GRIN2B: variants seen among roughly 807,000 people sequenced by gnomAD.
The protein encoded by GRIN2B is glutamate receptor ionotropic, NMDA 2B.
GRIN2B carries 5 observed loss-of-function variants against 114.5 expected under a neutral mutation model. The observed-to-expected ratio is 0.04, with a 90% CI of 0.02 to 0.09. The LOEUF is 0.09. Among genes scored for constraint, GRIN2B ranks in the 10% least tolerant of loss-of-function variants. GRIN2B has a pLI of 1.00. For missense variants in GRIN2B, 1,108 were observed against 1,943.5 expected (o/e 0.57, Z 8.08); for synonymous variants, 787 against 745.1 (o/e 1.06, Z -0.92).
intron 5 of GRIN2B, among the ~76,000 whole-genome samples, chr12:13,625,203 ATTTG>A (rs1405504776): frequency 6.6e-6 from 1 of 152,182 alleles, no homozygotes; most frequent in Non-Finnish European, 1.5e-5. Flanking sequence ...TTTGTCTCTG[ATTTG>A]TTTGACTCTA....
chr12:13,977,481 T>C (rs1256765211), intron 2 of GRIN2B: 1 of 152,240 alleles, frequency 6.6e-6, no homozygotes, highest in Non-Finnish European at 1.5e-5. Flanking sequence ...AACTGTGTCC[T>C]GGGAAGTCTT....
intron 10 of GRIN2B, among the ~76,000 whole-genome samples, chr12:13,584,173 C>G (rs1324724608): frequency 2.0e-5 from 3 of 152,160 alleles, no homozygotes; most frequent in African/African-American, 7.2e-5. Flanking sequence ...CACTGGCTTC[C>G]TCGCAGTTTC....
chr12:13,617,170 G>A (rs1047383210), intron 5 of GRIN2B, among the ~76,000 whole-genome samples: 1 of 152,250 alleles, frequency 6.6e-6, no homozygotes, highest in Non-Finnish European at 1.5e-5. Flanking sequence ...TGTTTTGGCT[G>A]TAGAAGAGAT....
chr12:13,812,067 A>T (rs1246080015), intron 3 of GRIN2B, among the ~76,000 whole-genome samples: 2 of 152,190 alleles, frequency 1.3e-5, no homozygotes, highest in Admixed American at 1.3e-4. Flanking sequence ...CAAAAGAAAA[A>T]AAGTAATATA....
At chr12:13,965,845 T>C (rs1254790443) in intron 2 of GRIN2B, among the ~76,000 whole-genome samples, 1 of 152,240 alleles carries the variant, frequency 6.6e-6, no homozygotes, top group African/African-American at 2.4e-5. Context: ...TTGCATGATA[T>C]GTCAATCTTT....
intron 2 of GRIN2B, among the ~76,000 whole-genome samples, chr12:13,887,376 T>C (rs1001552499): frequency 3.3e-5 from 5 of 152,122 alleles, no homozygotes; most frequent in African/African-American, 1.2e-4. Flanking sequence ...TATTTTTCAA[T>C]ACTTTTGTAA....
chr12:13,605,071 CT>C (rs35062527), intron 10 of GRIN2B, among the ~76,000 whole-genome samples: 238 of 142,786 alleles, frequency 1.7e-3, no homozygotes, highest in Middle Eastern at 3.6e-3. Flanking sequence ...CCCACAGACT[CT>C]TTTTTTTTTT....
chr12:13,761,243 C>A (rs1863675142), intron 3 of GRIN2B, among the ~76,000 whole-genome samples: 1 of 152,194 alleles, frequency 6.6e-6, no homozygotes, highest in Admixed American at 6.5e-5. Flanking sequence ...ATTATTTGTT[C>A]TTTCAGAAGA....
rs946447400 is a variant in GRIN2B, at chr12:13,537,444, G to T, written c.*25339C>A. On this transcript the variant is annotated 3_prime_UTR_variant, in exon 14 of 14. Transcript: ENST00000609686. ...CTGGGGATAGGCAGAATTAGAGAAC[G>T]AGGCTGTAATCATAAAATGGTGCTT... The T allele has an allele frequency of 2.0e-5, 3 of 152,076 alleles. No homozygotes were observed. The highest frequency in any genetic ancestry group is 4.4e-5 in the Non-Finnish European group (3 of 68,016). The allele number at this position is 152,076 out of a possible 1,614,324, so 9.4% of individuals were successfully genotyped here. A position where few individuals can be genotyped will look rare whatever the true frequency, so the allele number is the denominator to read the frequency against.
chr12:13,636,704 G>A (rs1219078983), intron 5 of GRIN2B, among the ~76,000 whole-genome samples: 1 of 152,160 alleles, frequency 6.6e-6, no homozygotes, highest in African/African-American at 2.4e-5. Context: ...ACAGATCCTG[G>A]GCAGAACAGT....
chr12:13,743,519 T>C (rs976388749), intron 4 of GRIN2B, among the ~76,000 whole-genome samples: 1 of 152,112 alleles, frequency 6.6e-6, no homozygotes, highest in African/African-American at 2.4e-5. Context: ...TATTAAGATC[T>C]GTGTAATAGT....
In GRIN2B at chr12:13,539,789, C is replaced by G. The variant is rs1948254472; in HGVS notation, c.*22994G>C. 6.6e-6 allele frequency: 1 copy of G among 151,884 alleles called. No homozygotes were observed. Among genetic ancestry groups the G allele is most frequent in the African/African-American group, 2.4e-5 (1 of 41,392 alleles). 9.4% of individuals were successfully genotyped at this position (151,884 alleles called of 1,614,324 possible). A position where few individuals can be genotyped will look rare whatever the true frequency, so the allele number is the denominator to read the frequency against. On this transcript the variant is annotated 3_prime_UTR_variant, in exon 14 of 14. Transcript: ENST00000609686. ...GATTTAAAATACATTTGAGAAATAG[C>G]AACTAATTGTATGGACCTTATGACT...
chr12:13,660,695 T>A lies in GRIN2B; in HGVS notation c.1125+15050A>T, dbSNP rs149134860. ...GATGAAGTGTTTCTAACTTCTGGGG[T>A]GGGATGAAGGGATCTAAAATCGCCA... On this transcript the variant is annotated intron_variant, in intron 5 of 13. Coordinates refer to ENST00000609686, the MANE Select transcript of GRIN2B (RefSeq NM_000834.5). Among the ~76,000 whole-genome samples, 442 of 152,266 alleles carry A rather than the reference T, an allele frequency of 2.9e-3. 2 individuals are homozygous for A. The highest frequency in any genetic ancestry group is 0.01 in the African/African-American group (429 of 41,554).
In GRIN2B at chr12:13,889,450, C is replaced by A. The variant is rs1326648066; in HGVS notation, c.-18-23224G>T. The stretch of plus-strand genomic sequence containing the variant: ...ATTTTAAGTAAGCACAATATAATTA[C>A]CCAGCTTAATAACAGTTAGTGCTTC... On this transcript the variant is annotated intron_variant, in intron 2 of 13. Coordinates refer to ENST00000609686, the MANE Select transcript of GRIN2B (RefSeq NM_000834.5). 5.8e-4 allele frequency among the ~76,000 whole-genome samples: 88 copies of A among 152,130 alleles called. 1 individual carries two copies. The highest frequency in any genetic ancestry group is 5.7e-3 in the Admixed American group (87 of 15,274).
At chr12:13,657,727 A>G (rs1164096850) in intron 5 of GRIN2B, among the ~76,000 whole-genome samples, 2 of 152,224 alleles carry the variant, frequency 1.3e-5, no homozygotes, top group African/African-American at 4.8e-5. Context: ...GGATAAATAC[A>G]TGAATCTAAA....
intron 4 of GRIN2B, among the ~76,000 whole-genome samples, chr12:13,694,640 T>G (rs1950242665): frequency 7.8e-6 from 1 of 128,894 alleles, no homozygotes; most frequent in African/African-American, 3.0e-5. Flanking sequence ...TCCCAGTCTA[T>G]TGTGCAAGAA....
chr12:13,682,175 G>C (rs924951599), intron 4 of GRIN2B, among the ~76,000 whole-genome samples: 4 of 152,140 alleles, frequency 2.6e-5, no homozygotes, highest in Non-Finnish European at 5.9e-5. Flanking sequence ...GATTAATCCA[G>C]TTTAGCGTGG....
intron 3 of GRIN2B, among the ~76,000 whole-genome samples, chr12:13,839,209 C>G (rs1269022789): frequency 6.6e-6 from 1 of 152,214 alleles, no homozygotes; most frequent in Non-Finnish European, 1.5e-5. Context: ...GCCTGGCAGG[C>G]TGATTTTCTA....
intron 3 of GRIN2B, among the ~76,000 whole-genome samples, chr12:13,789,314 T>C (rs1864276836): frequency 6.6e-6 from 1 of 152,176 alleles, no homozygotes; most frequent in Non-Finnish European, 1.5e-5. Context: ...TGCAAAAGCA[T>C]GTTACCATTA....
Sources: allele counts gnomAD v4.1 joint callset (sites outside exome capture counted in the v4.1 genomes callset), GRCh38; gene constraint gnomAD v4.1.1; transcripts MANE v1.5; gene names NCBI Gene and HGNC (gene_info 2026-07-23, HGNC 2026-07-21).